Variants in FANCI observed in about 807,000 individuals in gnomAD.
FANCI encodes Fanconi anemia group I protein.
Under a neutral mutation model 176.1 loss-of-function variants are expected in FANCI, and 156 were observed. That is an observed-to-expected ratio of 0.89 (90% CI 0.78 to 1.01). The LOEUF is 1.01. FANCI is among the 50% of genes least tolerant of loss of function. The pLI, the probability that FANCI is intolerant of heterozygous loss-of-function variation, is 0.00. For synonymous variants in FANCI, 613 were observed against 541.7 expected (o/e 1.13, Z -1.83); for missense variants, 1,678 against 1,534.1 (o/e 1.09, Z -1.57).
intron 2 of FANCI, among the ~76,000 whole-genome samples, chr15:89,253,499 A>G (rs2052352260): frequency 6.6e-6 from 1 of 151,240 alleles, no homozygotes; most frequent in Admixed American, 6.6e-5. Context: ...TGAAAGTGAG[A>G]CTCTGTCTCT....
At chr15:89,269,460 T>C (rs549093729) in intron 10 of FANCI, among the ~76,000 whole-genome samples, 1 of 152,300 alleles carries the variant, frequency 6.6e-6, no homozygotes, top group East Asian at 1.9e-4. Context: ...CATTTGGTTG[T>C]TCTTTCTTTC....
chr15:89,297,746 A>G (rs2054359620), intron 24 of FANCI, among the ~76,000 whole-genome samples: 2 of 107,862 alleles, frequency 1.9e-5, no homozygotes, highest in South Asian at 3.6e-4. Flanking sequence ...CCGTGGAAAG[A>G]GAGGGAGAGG....
At chr15:89,313,973 T>TCTCA (rs1491452047) in intron 35 of FANCI, among the ~76,000 whole-genome samples, 2 of 98,286 alleles carry the variant, frequency 2.0e-5, no homozygotes, top group Non-Finnish European at 2.0e-5. Flanking sequence ...AGATATATAA[T>TCTCA]CACACACACA....
intron 17 of FANCI, 64 bp downstream of exon 17, chr15:89,283,314 C>G: frequency 6.2e-7 from 1 of 1,607,672 alleles, no homozygotes; most frequent in South Asian, 1.1e-5. Flanking sequence ...ATGAAATGCA[C>G]GCTGTTTTCT....
rs1469952112 is a variant in FANCI at position 89,292,760 on chromosome 15, G to C, written c.2065G>C (p.Glu689Gln). 6.2e-7 allele frequency: 1 copy of C among 1,613,654 alleles called. No individual in the cohort carries two copies. The highest frequency in any genetic ancestry group is 1.3e-5 in the African/African-American group (1 of 74,880). Residue 689 changes from glutamate to glutamine, a missense_variant, in exon 21 of 38, where the codon GAG becomes CAG. Physicochemically the swap from Glu to Gln is conservative, Grantham distance 29. Transcript: ENST00000310775. ...TACAGTCATACCCTTACAGCAGGGA[G>C]AGGAGGAAGAGGAGGAGGAAGAGGC... ...KNTVIPLQQG[E>Q]EEEEEEEAFY...
Position 89,307,624 on chromosome 15 carries a change from T to G in FANCI, c.3603T>G (p.Ser1201=). 1 of 1,614,238 alleles carries G rather than the reference T, an allele frequency of 6.2e-7. No homozygotes were observed. Among genetic ancestry groups the G allele is most frequent in the Non-Finnish European group, 8.5e-7 (1 of 1,180,040 alleles). Residue 1201 remains serine (S), a synonymous_variant, in exon 34 of 38, where the codon TCT becomes TCG. Coordinates refer to ENST00000310775, the MANE Select transcript of FANCI (RefSeq NM_001113378.2). Reference sequence around the variant, plus strand: ...CCCTTGTTGTGCAGGTGAAGCTGTCTGGTTCTCATCTGACCCCCCTGTGTT... The same window carrying G: ...CCCTTGTTGTGCAGGTGAAGCTGTCGGGTTCTCATCTGACCCCCCTGTGTT... ...PKNMEKLVKL[S]GSHLTPLCYS... is the part of the protein sequence containing the mutation.
chr15:89,281,717 G>C, intron 15 of FANCI, 48 bp from the exon 16 acceptor site: 1 of 1,566,334 alleles, frequency 6.4e-7, no homozygotes, highest in Non-Finnish European at 8.8e-7. Context: ...AATGACCTAA[G>C]GCTAATAAGC....
chr15:89,274,146 A>AT (rs1414006530), intron 11 of FANCI, 22 bp from the exon 12 acceptor site: 1 of 1,503,854 alleles, frequency 6.6e-7, no homozygotes, highest in South Asian at 1.3e-5. Context: ...TTTTTCATTT[A>AT]TTTTTATTAA....
chr15:89,257,629 A>G (rs2052552632), intron 2 of FANCI, among the ~76,000 whole-genome samples: 1 of 152,194 alleles, frequency 6.6e-6, no homozygotes, highest in African/African-American at 2.4e-5. Context: ...ATTAGGACCC[A>G]TCCTAATGAC....
chr15:89,290,146 G>A, intron 18 of FANCI, 67 bp from the exon 19 acceptor site: 2 of 1,255,694 alleles, frequency 1.6e-6, no homozygotes, highest in South Asian at 2.4e-5. Context: ...TTATTTTTAA[G>A]TTATGATTGT....
chr15:89,313,927 G>A (rs1036466850), intron 35 of FANCI, among the ~76,000 whole-genome samples: 13 of 98,730 alleles, frequency 1.3e-4, no homozygotes, highest in South Asian at 3.4e-4. Flanking sequence ...ACACACACAC[G>A]TAGGACCTAC....
chr15:89,300,936 A>G (rs2054504049), intron 26 of FANCI, among the ~76,000 whole-genome samples: 1 of 152,248 alleles, frequency 6.6e-6, no homozygotes, highest in African/African-American at 2.4e-5. Context: ...GACACTGACA[A>G]ATAATCAAAT....
intron 16 of FANCI, 44 bp downstream of exon 16, chr15:89,281,879 A>T: frequency 6.4e-7 from 1 of 1,562,666 alleles, no homozygotes; most frequent in Non-Finnish European, 8.8e-7. Context: ...TTGTCTTCTA[A>T]TGTTGGAGCT....
At chr15:89,250,356 A>C (rs995560754) in intron 2 of FANCI, among the ~76,000 whole-genome samples, 1 of 152,178 alleles carries the variant, frequency 6.6e-6, no homozygotes, top group Non-Finnish European at 1.5e-5. Context: ...ATGGAATACT[A>C]TGCAGCCATA....
intron 19 of FANCI, among the ~76,000 whole-genome samples, 187 bp from the exon 20 acceptor site, chr15:89,291,426 A>C (rs986997216): frequency 2.6e-5 from 4 of 152,152 alleles, no homozygotes; most frequent in Non-Finnish European, 5.9e-5. Context: ...AATCTGTACA[A>C]TATCCAAAGC....
At chr15:89,299,620 CAGTG>C (rs1053936558) in intron 24 of FANCI, among the ~76,000 whole-genome samples, 176 bp from the exon 25 acceptor site, 3 of 152,176 alleles carry the variant, frequency 2.0e-5, no homozygotes, top group Non-Finnish European at 2.9e-5. Flanking sequence ...AATTGACTAT[CAGTG>C]AGCACAAGGG....
rs1334979746 is a variant in FANCI at position 89,305,713 on chromosome 15, A to C, written c.3349+15A>C. On this transcript the variant is annotated intron_variant, in intron 31 of 37. Transcript: ENST00000310775. Reference sequence around the variant, plus strand: ...AACCTTATCAGGTAAGATAAGTTCAACTGGGATTCCAGGAATTGACATGAG... The same window carrying C: ...AACCTTATCAGGTAAGATAAGTTCACCTGGGATTCCAGGAATTGACATGAG... 3 of 1,611,634 alleles carry C rather than the reference A, an allele frequency of 1.9e-6. No homozygotes were observed. The highest frequency in any genetic ancestry group is 2.5e-6 in the Non-Finnish European group (3 of 1,177,674).
intron 1 of FANCI, 127 bp from the exon 2 acceptor site, chr15:89,247,502 T>G: frequency 2.8e-6 from 2 of 721,500 alleles, no homozygotes; most frequent in South Asian, 3.0e-5. Context: ...TACTTAAAGA[T>G]AGTCCTAAGT....
chr15:89,287,266 C>T (rs1193639506), intron 18 of FANCI, among the ~76,000 whole-genome samples: 2 of 152,198 alleles, frequency 1.3e-5, no homozygotes, highest in Admixed American at 6.5e-5. Flanking sequence ...AGCCACTGCG[C>T]CCAGCCCCTT....
Sources: allele counts gnomAD v4.1 joint callset (sites outside exome capture counted in the v4.1 genomes callset), GRCh38; gene constraint gnomAD v4.1.1; transcripts MANE v1.5; gene names NCBI Gene and HGNC (gene_info 2026-07-23, HGNC 2026-07-21).